EDIL3: variants seen among roughly 807,000 people sequenced by gnomAD.
The protein encoded by EDIL3 is EGF like and discoidin domains 3.
EDIL3 carries 37 observed loss-of-function variants against 67.4 expected under a neutral mutation model. That is an observed-to-expected ratio of 0.55 (90% CI 0.42 to 0.72). The LOEUF (loss-of-function observed/expected upper bound fraction) is 0.72. EDIL3 is among the 30% of genes least tolerant of loss of function. The pLI, the probability that EDIL3 is intolerant of heterozygous loss-of-function variation, is 0.00. For missense variants in EDIL3, 527 were observed against 586.3 expected, an observed-to-expected ratio of 0.90 and a Z score of 1.04; for synonymous variants, 195 against 196.3, an observed-to-expected ratio of 0.99 and a Z score of 0.05.
intron 4 of EDIL3, among the ~76,000 whole-genome samples, chr5:84,176,217 A>AT (rs1283950259): frequency 1.8e-5 from 2 of 113,912 alleles, no homozygotes; most frequent in African/African-American, 6.4e-5. Context: ...ATATATATAT[A>AT]TATATATATA....
intron 2 of EDIL3, among the ~76,000 whole-genome samples, chr5:84,248,691 TA>T (rs1744961763): frequency 6.6e-6 from 1 of 152,198 alleles, no homozygotes; most frequent in South Asian, 2.1e-4. Context: ...TTGTCATTTA[TA>T]ATATCTCAGT....
intron 4 of EDIL3, among the ~76,000 whole-genome samples, chr5:84,167,553 A>G (rs567276676): frequency 1.4e-4 from 22 of 152,250 alleles, no homozygotes; most frequent in African/African-American, 4.3e-4. Flanking sequence ...TTATTTTAGT[A>G]CCGATTTCTT....
At chr5:84,220,185 C>T (rs1260159963) in intron 3 of EDIL3, among the ~76,000 whole-genome samples, 2 of 152,120 alleles carry the variant, frequency 1.3e-5, no homozygotes, top group Non-Finnish European at 2.9e-5. Context: ...GGGATTATTA[C>T]ACATTGTATG....
At chr5:83,994,007 C>T (rs1745194077) in intron 9 of EDIL3, among the ~76,000 whole-genome samples, 1 of 152,172 alleles carries the variant, frequency 6.6e-6, no homozygotes, top group African/African-American at 2.4e-5. Context: ...GTCCCTAATG[C>T]TTTCCACAAC....
At chr5:84,343,290 C>T (rs1317704352) in intron 1 of EDIL3, among the ~76,000 whole-genome samples, 3 of 151,726 alleles carry the variant, frequency 2.0e-5, no homozygotes, top group African/African-American at 4.8e-5. Context: ...TTATTTAATA[C>T]TCACTGAGTT....
intron 1 of EDIL3, among the ~76,000 whole-genome samples, chr5:84,313,555 T>G (rs1165882690): frequency 6.6e-6 from 1 of 152,200 alleles, no homozygotes; most frequent in African/African-American, 2.4e-5. Context: ...ATTCCACTTC[T>G]TTTCCTCTAC....
rs920954079 is a variant in EDIL3, at chr5:84,021,886, T to C, written c.1137+38414A>G. Among the ~76,000 whole-genome samples, 8 of 151,830 alleles carry C rather than the reference T, an allele frequency of 5.3e-5. 1 individual carries two copies. The highest frequency in any genetic ancestry group is 1.9e-4 in the African/African-American group (8 of 41,378). On this transcript the variant is annotated intron_variant, in intron 9 of 10. Transcript: ENST00000296591. ...AAAACCTGCACAGACCAATAATGAA[T>C]AGTGAGATTGAACCAGTAATAAAAA...
intron 9 of EDIL3, among the ~76,000 whole-genome samples, chr5:83,995,146 G>GCA (rs1248301212): frequency 4.5e-5 from 4 of 89,008 alleles, no homozygotes; most frequent in East Asian, 3.9e-4. Context: ...GTATACACAC[G>GCA]CACACACACA....
intron 1 of EDIL3, among the ~76,000 whole-genome samples, chr5:84,265,251 G>A (rs894002938): frequency 1.2e-4 from 19 of 152,118 alleles, no homozygotes; most frequent in African/African-American, 3.1e-4. Context: ...AAAGCCAAAC[G>A]GGTATCTTTT....
chr5:83,946,670 C>T (rs78660965), intron 10 of EDIL3, among the ~76,000 whole-genome samples: 1 of 151,794 alleles, frequency 6.6e-6, no homozygotes, highest in African/African-American at 2.4e-5. Context: ...GGACTACGGT[C>T]TATTCAGGCC....
chr5:84,045,696 T>C (rs887355550), intron 9 of EDIL3, among the ~76,000 whole-genome samples: 2 of 152,172 alleles, frequency 1.3e-5, no homozygotes, highest in Admixed American at 1.3e-4. Flanking sequence ...TGCTAAAGAA[T>C]TATAATAGCG....
At chr5:84,261,695 C>A (rs2112084801) in intron 1 of EDIL3, among the ~76,000 whole-genome samples, 1 of 152,236 alleles carries the variant, frequency 6.6e-6, no homozygotes, top group South Asian at 2.1e-4. Flanking sequence ...AAAGACCATC[C>A]ATTTCTCCAC....
At chr5:84,111,580 C>G (rs1267477926) in intron 5 of EDIL3, among the ~76,000 whole-genome samples, 1 of 152,098 alleles carries the variant, frequency 6.6e-6, no homozygotes, top group African/African-American at 2.4e-5. Flanking sequence ...AAGGTCTATG[C>G]TCTTAAAAGA....
chr5:84,213,837 T>TA (rs1260856219), intron 3 of EDIL3, among the ~76,000 whole-genome samples: 4 of 152,156 alleles, frequency 2.6e-5, no homozygotes, highest in Non-Finnish European at 4.4e-5. Flanking sequence ...ATCTTGAAAA[T>TA]AAATTACTTG....
intron 9 of EDIL3, among the ~76,000 whole-genome samples, chr5:84,022,215 A>T (rs1745730973): frequency 6.6e-6 from 1 of 151,954 alleles, no homozygotes; most frequent in Non-Finnish European, 1.5e-5. Context: ...ACAATACACC[A>T]TAACCAATTG....
chr5:84,309,794 CAATA>C (rs1282918630), intron 1 of EDIL3, among the ~76,000 whole-genome samples: 1 of 152,122 alleles, frequency 6.6e-6, no homozygotes. Flanking sequence ...AATAGTGCCG[CAATA>C]AACACGTGTG....
At chr5:84,280,490 G>C (rs1745672478) in intron 1 of EDIL3, among the ~76,000 whole-genome samples, 1 of 151,550 alleles carries the variant, frequency 6.6e-6, no homozygotes, top group Non-Finnish European at 1.5e-5. Flanking sequence ...TTTCTTGTGA[G>C]CCACTATCTG....
At chr5:84,121,067 C>G (rs1213052581) in intron 5 of EDIL3, among the ~76,000 whole-genome samples, 1 of 151,828 alleles carries the variant, frequency 6.6e-6, no homozygotes, top group East Asian at 1.9e-4. Flanking sequence ...GTGCTATTGT[C>G]TACAGTATAC....
At chr5:84,373,253 G>T (rs1162654163) in intron 1 of EDIL3, among the ~76,000 whole-genome samples, 5 of 152,156 alleles carry the variant, frequency 3.3e-5, no homozygotes, top group African/African-American at 9.6e-5. Context: ...AAGATTTTGG[G>T]ATTTTAATAA....
Sources: allele counts gnomAD v4.1 joint callset (sites outside exome capture counted in the v4.1 genomes callset), GRCh38; gene constraint gnomAD v4.1.1; transcripts MANE v1.5; gene names NCBI Gene and HGNC (gene_info 2026-07-23, HGNC 2026-07-21).